Variants in MCIDAS observed in about 807,000 individuals in gnomAD.
MCIDAS encodes multicilin.
Under a neutral mutation model 35.4 loss-of-function variants are expected in MCIDAS, and 23 were observed. The ratio of observed to expected loss-of-function variants is 0.65; its 90% confidence interval spans 0.47 to 0.92. MCIDAS has a LOEUF of 0.92. MCIDAS is among the 40% of genes least tolerant of loss of function. The pLI, the probability that MCIDAS is intolerant of heterozygous loss-of-function variation, is 0.00. For synonymous variants in MCIDAS, 228 were observed against 235.2 expected (o/e 0.97, Z 0.28); for missense variants, 480 against 531.8 (o/e 0.90, Z 0.96).
Position 55,219,686 on chromosome 5 carries a change from A to C in MCIDAS, c.*680T>G, listed in dbSNP as rs968782520. ...GTATGGATAATGAATATAAACTGTT[A>C]CCATAAATCTTCTAAATTATATGAA... On this transcript the variant is annotated 3_prime_UTR_variant, in exon 7 of 7. Transcript: ENST00000513312. 6.6e-6 allele frequency: 1 copy of C among 152,222 alleles called. No homozygotes were observed. Among genetic ancestry groups the C allele is most frequent in the African/African-American group, 2.4e-5 (1 of 41,458 alleles). 9.4% of individuals were successfully genotyped at this position (152,222 alleles called of 1,614,324 possible).
intron 3 of MCIDAS, 41 bp downstream of exon 3, chr5:55,226,535 G>A: frequency 9.9e-6 from 15 of 1,518,570 alleles, no homozygotes; most frequent in East Asian, 2.5e-5. Flanking sequence ...GGAGGGTTTG[G>A]GTTGCGTGAA....
chr5:55,222,270 C>G lies in MCIDAS; in HGVS notation c.512G>C (p.Arg171Pro), dbSNP rs1454466899. ...CTCAGGCGGGGGCACGTCTGGAGGG[C>G]GCAGCGGTGGTGACTGCAGGGCCCG... is the stretch of plus-strand genomic sequence containing the variant. ...DPRALQSPPL[R>P]PPDVPPPEQY... is the part of the protein sequence containing the mutation. The change falls in exon 5 of 7, where the codon CGC becomes CCC. Residue 171 changes from arginine (R) to proline (P), a missense_variant. Coordinates refer to ENST00000513312, the MANE Select transcript of MCIDAS (RefSeq NM_001190787.3). 1.2e-5 allele frequency: 18 copies of G among 1,536,012 alleles called. No homozygotes were observed. The highest frequency in any genetic ancestry group is 1.6e-5 in the Non-Finnish European group (18 of 1,146,870).
At chr5:55,221,882 G>A (rs1305857560) in intron 5 of MCIDAS, among the ~76,000 whole-genome samples, 1 of 152,012 alleles carries the variant, frequency 6.6e-6, no homozygotes, top group African/African-American at 2.4e-5. Flanking sequence ...CCGAGATCAT[G>A]CCACTGCACT....
rs1251649859 is a variant in MCIDAS, at chr5:55,220,670, C to G, written c.854G>C (p.Arg285Thr). ...QDCAEVDAIL[R>T]EISERCDEAL... The stretch of plus-strand genomic sequence containing the variant: ...TTCATCGCAGCGCTCGGAAATCTCC[C>G]TCAGGATGGCGTCCACTTCCGCGCA... The change falls in exon 7 of 7, where the codon AGG becomes ACG. Residue 285 changes from arginine (R) to threonine (T), a missense_variant. By Grantham distance (71) the Arg-to-Thr change is moderately conservative. Coordinates refer to ENST00000513312, the MANE Select transcript of MCIDAS (RefSeq NM_001190787.3). 1.3e-6 allele frequency: 2 copies of G among 1,536,108 alleles called. No individual in the cohort carries two copies. The highest frequency in any genetic ancestry group is 3.9e-5 in the Admixed American group (2 of 51,002).
rs1478876274 is a variant in MCIDAS at position 55,221,054 on chromosome 5, GTTCCTTCAGCTGCACGT to G, written c.662_678del (p.Asn221ThrfsTer14). 10 of 1,536,114 alleles carry G rather than the reference GTTCCTTCAGCTGCACGT, an allele frequency of 6.5e-6. No individual in the cohort carries two copies. The highest frequency in any genetic ancestry group is 7.0e-6 in the Non-Finnish European group (8 of 1,146,904). On this transcript the variant is annotated frameshift_variant, in exon 6 of 7. Transcript: ENST00000513312. LOFTEE classifies it high-confidence loss of function. ...GCCAGGTGCCGGGTTCGGCTGGCGA[GTTCCTTCAGCTGCACGT>G]TCCGCTCCTTGAGCGAGGCGATCTC...
Position 55,220,485 on chromosome 5 carries a change from A to C in MCIDAS, c.1039T>G (p.Ser347Ala). The C allele has an allele frequency of 2.0e-6, 3 of 1,535,946 alleles. No individual in the cohort carries two copies. The highest frequency in any genetic ancestry group is 2.6e-6 in the Non-Finnish European group (3 of 1,146,864). The change falls in exon 7 of 7, where the codon TCC (serine) becomes GCC (alanine). Residue 347 changes from serine to alanine, a missense_variant. Ser to Ala is a moderately conservative substitution (Grantham distance 99). Transcript: ENST00000513312. ...LSHSELEEGG[S>A]FSTRIRSHST... ...TGGCTGCGGATGCGGGTGCTGAAGG[A>C]GCCGCCCTCCTCCAGCTCACTGTGG...
chr5:55,226,616 C>T lies in MCIDAS; in HGVS notation c.269G>A (p.Gly90Glu), dbSNP rs1224613875. 5 of 1,532,718 alleles carry T rather than the reference C, an allele frequency of 3.3e-6. No individual in the cohort carries two copies. The highest frequency in any genetic ancestry group is 2.4e-5 in the South Asian group (2 of 83,720). The allele number at this position is 1,532,718 out of a possible 1,614,324, so 94.9% of individuals were successfully genotyped here. A position where few individuals can be genotyped will look rare whatever the true frequency, so the allele number is the denominator to read the frequency against. ...QDLADCSSLL[G>E]SDAPPGGDLA... is the part of the protein sequence containing the mutation. ...GTCACCACCAGGCGGCGCGTCGGAC[C>T]CGAGTAGCGAAGAGCAGTCAGCGAG... is the stretch of plus-strand genomic sequence containing the variant. The change falls in exon 3 of 7, where the codon GGG becomes GAG. Residue 90 changes from glycine (G) to glutamate (E), a missense_variant. Transcript: ENST00000513312.
At chr5:55,226,980 A>G (rs939512579) in intron 1 of MCIDAS, 39 bp downstream of exon 1, 6 of 1,505,980 alleles carry the variant, frequency 4.0e-6, no homozygotes, top group Admixed American at 4.2e-5. Flanking sequence ...CGGGGCACCG[A>G]GCGCGCAGAC....
Position 55,220,801 on chromosome 5 carries a change from C to T in MCIDAS, c.723G>A (p.Leu241=), listed in dbSNP as rs1303900412. 1.3e-6 allele frequency: 2 copies of T among 1,523,750 alleles called. No individual in the cohort carries two copies. Among genetic ancestry groups the T allele is most frequent in the African/African-American group, 1.4e-5 (1 of 72,830 alleles). 94.4% of individuals were successfully genotyped at this position (1,523,750 alleles called of 1,614,324 possible). A position where few individuals can be genotyped will look rare whatever the true frequency, so the allele number is the denominator to read the frequency against. ...CACAATCCCGGGACTGTGTGATCAT[C>T]AGCTTCTACGAAAGACAGGGAAGAG... ...TRHLASVLDK[L]MITQSRDCGA... Residue 241 remains leucine, a synonymous_variant, in exon 7 of 7, where the codon CTG becomes CTA. Coordinates refer to ENST00000513312, the MANE Select transcript of MCIDAS (RefSeq NM_001190787.3).
intron 6 of MCIDAS, 85 bp downstream of exon 6, chr5:55,220,931 C>T: frequency 6.9e-7 from 1 of 1,451,830 alleles, no homozygotes; most frequent in Non-Finnish European, 9.2e-7. Context: ...TCCCGGGCCC[C>T]CACGGGTCCC....
intron 1 of MCIDAS, 43 bp downstream of exon 1, chr5:55,226,976 A>G (rs1279665694): frequency 1.3e-6 from 2 of 1,504,708 alleles, no homozygotes; most frequent in Non-Finnish European, 1.8e-6. Flanking sequence ...CCCTCGGGGC[A>G]CCGAGCGCGC....
rs1471522220 is a variant in MCIDAS at position 55,220,464 on chromosome 5, T to C, written c.1060A>G (p.Ser354Gly). 1 of 1,536,028 alleles carries C rather than the reference T, an allele frequency of 6.5e-7. No homozygotes were observed. Among genetic ancestry groups the C allele is most frequent in the Non-Finnish European group, 8.7e-7 (1 of 1,146,894 alleles). Residue 354 changes from serine to glycine, a missense_variant, in exon 7 of 7, where the codon AGC (serine) becomes GGC (glycine). Coordinates refer to ENST00000513312, the MANE Select transcript of MCIDAS (RefSeq NM_001190787.3). Reference sequence around the variant, plus strand: ...GCGAGGGTGCGGATGGTGCTGTGGCTGCGGATGCGGGTGCTGAAGGAGCCG... The same window carrying C: ...GCGAGGGTGCGGATGGTGCTGTGGCCGCGGATGCGGGTGCTGAAGGAGCCG... ...EGGSFSTRIRSHSTIRTLAFP... is the reference protein window; with the variant it reads ...EGGSFSTRIRGHSTIRTLAFP...
intron 3 of MCIDAS, among the ~76,000 whole-genome samples, chr5:55,226,338 C>T (rs746751024): frequency 1.1e-4 from 17 of 152,268 alleles, no homozygotes; most frequent in Middle Eastern, 6.8e-3. Context: ...TCCAGATGAG[C>T]CCGACTGTAT....
chr5:55,222,911 C>A lies in MCIDAS; in HGVS notation c.382+40G>T, dbSNP rs749884656. The A allele has an allele frequency of 1.9e-5, 29 of 1,507,464 alleles. No homozygotes were observed. In the South Asian group the frequency reaches 3.2e-4, roughly 17 times the overall value. The allele number at this position is 1,507,464 out of a possible 1,614,324, so 93.4% of individuals were successfully genotyped here. A position where few individuals can be genotyped will look rare whatever the true frequency, so the allele number is the denominator to read the frequency against. ...ACTAGTCTGATTTGGGAGTGGGGGA[C>A]ACCCCCGCTGTTATTTAACTGCCAG... On this transcript the variant is annotated intron_variant, in intron 4 of 6. Coordinates refer to ENST00000513312, the MANE Select transcript of MCIDAS (RefSeq NM_001190787.3).
rs902790990 is a variant in MCIDAS, at chr5:55,223,074, C to G, written c.310-51G>C. 1.4e-6 allele frequency: 2 copies of G among 1,446,090 alleles called. No homozygotes were observed. The highest frequency in any genetic ancestry group is 2.5e-5 in the East Asian group (1 of 40,480). The allele number at this position is 1,446,090 out of a possible 1,614,324, so 89.6% of individuals were successfully genotyped here. On this transcript the variant is annotated intron_variant, in intron 3 of 6. Transcript: ENST00000513312. The surrounding 1 kb of genome is among the most constrained non-coding windows in gnomAD (Gnocchi z 4.4). ...GGTTAACGAGTCTGGCGTTAGAAAG[C>G]CTTCAATAAATATTGGCGTCCCTGT...
intron 5 of MCIDAS, among the ~76,000 whole-genome samples, chr5:55,221,815 C>T (rs2111691973): frequency 6.6e-6 from 1 of 152,076 alleles, no homozygotes; most frequent in Admixed American, 6.5e-5. Context: ...ATCCCAGCTA[C>T]TTGGGAGGCT....
rs1401515669 is a variant in MCIDAS at position 55,220,081 on chromosome 5, C to T, written c.*285G>A. The stretch of plus-strand genomic sequence containing the variant: ...TAAAAGTAACTATGGTTTCTAAATC[C>T]TTCCCTGCTCTAAAAATACATAATT... On this transcript the variant is annotated 3_prime_UTR_variant, in exon 7 of 7. Coordinates refer to ENST00000513312, the MANE Select transcript of MCIDAS (RefSeq NM_001190787.3). 1 of 334,668 alleles carries T rather than the reference C, an allele frequency of 3.0e-6. No homozygotes were observed. Among genetic ancestry groups the T allele is most frequent in the African/African-American group, 2.1e-5 (1 of 47,288 alleles). The allele number at this position is 334,668 out of a possible 1,614,324, so 20.7% of individuals were successfully genotyped here.
rs552431366 is a variant in MCIDAS at position 55,226,674 on chromosome 5, G to A, written c.218-7C>T. On this transcript the variant is annotated splice_polypyrimidine_tract_variant and splice_region_variant and intron_variant, in intron 2 of 6. Coordinates refer to ENST00000513312, the MANE Select transcript of MCIDAS (RefSeq NM_001190787.3). ...AGGTCTATGGTGGTGAGGGCTGCGC[G>A]GGGAGACCGGGAGACACGCGCCGGG... The A allele has an allele frequency of 6.7e-7, 1 of 1,493,486 alleles. No homozygotes were observed. Among genetic ancestry groups the A allele is most frequent in the South Asian group, 1.3e-5 (1 of 78,436 alleles). The allele number at this position is 1,493,486 out of a possible 1,614,324, so 92.5% of individuals were successfully genotyped here.
Position 55,223,265 on chromosome 5 carries a change from C to T in MCIDAS, c.310-242G>A, listed in dbSNP as rs1443173434. Among the ~76,000 whole-genome samples the T allele has an allele frequency of 6.6e-6, 1 of 151,962 alleles. No individual in the cohort carries two copies. Among genetic ancestry groups the T allele is most frequent in the Non-Finnish European group, 1.5e-5 (1 of 67,988 alleles). Reference sequence around the variant, plus strand: ...GGTCTGCTCGCACTTACGTCGCCAGCCCAGTCTCGTACCCGAAAATTCAAG... The same window carrying T: ...GGTCTGCTCGCACTTACGTCGCCAGTCCAGTCTCGTACCCGAAAATTCAAG... On this transcript the variant is annotated intron_variant, in intron 3 of 6. Coordinates refer to ENST00000513312, the MANE Select transcript of MCIDAS (RefSeq NM_001190787.3). This position sits in a 1 kb window ranked among gnomAD's most constrained non-coding sequence, Gnocchi z 4.4.
Sources: allele counts gnomAD v4.1 joint callset (sites outside exome capture counted in the v4.1 genomes callset), GRCh38; gene constraint gnomAD v4.1.1; non-coding constraint Gnocchi (gnomAD v3.1); transcripts MANE v1.5; gene names NCBI Gene and HGNC (gene_info 2026-07-23, HGNC 2026-07-21).